Variants in SERINC3 observed in about 807,000 individuals in gnomAD.
SERINC3 encodes serine incorporator 3, also known as tumor differentially expressed protein 1.
A neutral mutation model predicts 52.1 loss-of-function variants in SERINC3; 22 were observed. That is an observed-to-expected ratio of 0.42 (90% confidence interval 0.30 to 0.60). The LOEUF (loss-of-function observed/expected upper bound fraction) is 0.60, where lower values mean the gene tolerates loss of function less well. SERINC3 is among the 20% of genes least tolerant of loss of function. SERINC3 has a pLI of 0.16. For missense variants in SERINC3, 564 were observed against 584.6 expected (o/e 0.96, Z 0.36); for synonymous variants, 226 against 212.7 (o/e 1.06, Z -0.54).
At chr20:44,504,133 A>C in intron 7 of SERINC3, 138 bp from the exon 8 acceptor site, 1 of 595,768 alleles carries the variant, frequency 1.7e-6, no homozygotes, top group Non-Finnish European at 2.8e-6. Context: ...GAAACTTAGC[A>C]GTCAGTAGTA....
intron 4 of SERINC3, among the ~76,000 whole-genome samples, chr20:44,510,391 C>T (rs1600814550): frequency 6.6e-6 from 1 of 152,204 alleles, no homozygotes; most frequent in East Asian, 1.9e-4. Flanking sequence ...TTTTGACAGG[C>T]TCTCTGATTA....
Position 44,506,900 on chromosome 20 carries a change from T to C in SERINC3, c.710A>G (p.Asn237Ser). The C allele has an allele frequency of 6.2e-7, 1 of 1,613,778 alleles. No homozygotes were observed. The highest frequency in any genetic ancestry group is 8.5e-7 in the Non-Finnish European group (1 of 1,179,856). The part of the protein sequence containing the change: ...YYTKPDGCTE[N>S]KFFISINLIL... ...CAGGTTAATACTGATGAAGAACTTG[T>C]TTTCTGTGCAGCCATCTGGTTTGGT... is the stretch of plus-strand genomic sequence containing the variant. The change falls in exon 6 of 10, where the codon AAC becomes AGC. Residue 237 changes from asparagine to serine, a missense_variant. Transcript: ENST00000342374.
Position 44,506,887 on chromosome 20 carries a change from G to A in SERINC3, c.723C>T (p.Ile241=). The change falls in exon 6 of 10, where the codon ATC becomes ATT. Residue 241 remains isoleucine, a synonymous_variant. Transcript: ENST00000342374. The part of the protein sequence containing the change: ...PDGCTENKFF[I]SINLILCVVA... The stretch of plus-strand genomic sequence containing the variant: ...CAACGCAAAGGATCAGGTTAATACT[G>A]ATGAAGAACTTGTTTTCTGTGCAGC... The A allele has an allele frequency of 1.9e-6, 3 of 1,613,620 alleles. No homozygotes were observed. In the South Asian group the frequency reaches 3.3e-5, roughly 18 times the overall value.
intron 6 of SERINC3, among the ~76,000 whole-genome samples, chr20:44,505,215 C>T (rs1175166954): frequency 6.6e-6 from 1 of 152,130 alleles, no homozygotes; most frequent in African/African-American, 2.4e-5. Context: ...CTGGGAGAGG[C>T]CTATCACTTC....
chr20:44,512,034 T>C (rs927315980), intron 3 of SERINC3, among the ~76,000 whole-genome samples: 1 of 152,164 alleles, frequency 6.6e-6, no homozygotes, highest in African/African-American at 2.4e-5. Context: ...GAAATACGGC[T>C]GGGCACAGTG....
rs1405690873 is a variant in SERINC3 at position 44,506,848 on chromosome 20, T to TA, written c.761dup (p.Ser255IlefsTer36). On this transcript the variant is annotated frameshift_variant, in exon 6 of 10. Coordinates refer to ENST00000342374, the MANE Select transcript of SERINC3 (RefSeq NM_006811.4). LOFTEE classifies it high-confidence loss of function. ...ATACCTGAATTTTTGGGTGGATCGA[T>TA]ATAATAGAAGCCACAACGCAAAGGA... is the stretch of plus-strand genomic sequence containing the variant. 12 of 1,589,304 alleles carry TA rather than the reference T, an allele frequency of 7.6e-6. No individual in the cohort carries two copies.
rs768185547 is a variant in SERINC3 at position 44,500,385 on chromosome 20, C to A, written c.1333G>T (p.Val445Phe). ...CAGACCCAGCTGGAGCTGATCTTGACCCACACAGCTGGCCACTTGCTGGTC... is the reference window on the plus strand; with the variant it reads ...CAGACCCAGCTGGAGCTGATCTTGAACCACACAGCTGGCCACTTGCTGGTC... The part of the protein sequence containing the change: ...SMTSKWPAVW[V>F]KISSSWVCLL... The change falls in exon 10 of 10, where the codon GTC becomes TTC. Residue 445 changes from valine to phenylalanine, a missense_variant. By Grantham distance (50) the Val-to-Phe change is conservative. Transcript: ENST00000342374. 1 of 1,595,012 alleles carries A rather than the reference C, an allele frequency of 6.3e-7. No homozygotes were observed. The highest frequency in any genetic ancestry group is 8.5e-7 in the Non-Finnish European group (1 of 1,170,536).
At chr20:44,503,051 T>C (rs73615465) in intron 8 of SERINC3, among the ~76,000 whole-genome samples, 1,844 of 152,326 alleles carry the variant, frequency 0.012, 16 homozygotes, top group East Asian at 0.063. Flanking sequence ...ATTTGTATAC[T>C]AATAACTAAC....
In SERINC3 at chr20:44,497,617, G is replaced by A. The variant is rs1427824333; in HGVS notation, c.*2679C>T. ...TACTGTAAAGAAAAGCAGGGTATCT[G>A]CTTCACACTGGCAAAATAAGGGGCT... On this transcript the variant is annotated 3_prime_UTR_variant, in exon 10 of 10. Coordinates refer to ENST00000342374, the MANE Select transcript of SERINC3 (RefSeq NM_006811.4). The A allele has an allele frequency of 6.6e-6, 1 of 152,318 alleles. No homozygotes were observed. The highest frequency in any genetic ancestry group is 6.5e-5 in the Admixed American group (1 of 15,268). The allele number at this position is 152,318 out of a possible 1,614,324, so 9.4% of individuals were successfully genotyped here.
chr20:44,503,820 AT>A lies in SERINC3; in HGVS notation c.1049del (p.Tyr350PhefsTer12). On this transcript the variant is annotated frameshift_variant, in exon 8 of 10. Coordinates refer to ENST00000342374, the MANE Select transcript of SERINC3 (RefSeq NM_006811.4). LOFTEE classifies it high-confidence loss of function. ...GLFVFVLCLL[Y>X]SSIRTSTNSQ... ...CTAAGTACCTTTTAACTTACCTAGAATACAAGAGGCAGAGAACAAAGACAAA... is the reference window on the plus strand; with the variant it reads ...CTAAGTACCTTTTAACTTACCTAGAAACAAGAGGCAGAGAACAAAGACAAA... 1.3e-6 allele frequency: 2 copies of A among 1,547,426 alleles called. No homozygotes were observed. The highest frequency in any genetic ancestry group is 1.7e-6 in the Non-Finnish European group (2 of 1,156,124).
chr20:44,518,825 G>A (rs1477598482), intron 1 of SERINC3, among the ~76,000 whole-genome samples: 2 of 152,040 alleles, frequency 1.3e-5, no homozygotes, highest in African/African-American at 2.4e-5. Context: ...TTAGCCAGGC[G>A]TGGTGGCACA....
At chr20:44,510,166 A>C in intron 4 of SERINC3, 138 bp from the exon 5 acceptor site, 1 of 764,690 alleles carries the variant, frequency 1.3e-6, no homozygotes, top group Non-Finnish European at 2.1e-6. Context: ...GCAAGATTCC[A>C]AACTCAACGG....
In SERINC3 at chr20:44,497,505, T is replaced by C. The variant is rs545024736; in HGVS notation, c.*2791A>G. On this transcript the variant is annotated 3_prime_UTR_variant, in exon 10 of 10. Transcript: ENST00000342374. ...ATTTATTTTACAGTTTAGTATTGTT[T>C]GTATTTTGAATTACATTAAGGCGGA... 2 of 152,372 alleles carry C rather than the reference T, an allele frequency of 1.3e-5. No homozygotes were observed. The highest frequency in any genetic ancestry group is 4.1e-4 in the South Asian group (2 of 4,832). The allele number at this position is 152,372 out of a possible 1,614,324, so 9.4% of individuals were successfully genotyped here. A position where few individuals can be genotyped will look rare whatever the true frequency, so the allele number is the denominator to read the frequency against.
In SERINC3 at chr20:44,498,643, C is replaced by G. The variant is rs2064262047; in HGVS notation, c.*1653G>C. 6.6e-6 allele frequency: 1 copy of G among 152,146 alleles called. No individual in the cohort carries two copies. Among genetic ancestry groups the G allele is most frequent in the Non-Finnish European group, 1.5e-5 (1 of 68,044 alleles). The allele number at this position is 152,146 out of a possible 1,614,324, so 9.4% of individuals were successfully genotyped here. A position where few individuals can be genotyped will look rare whatever the true frequency, so the allele number is the denominator to read the frequency against. ...AAGTAGCCCTCACCTGTCAATTTCTCCCCGTCCCTACGATTCCACTTCTCT... is the reference window on the plus strand; with the variant it reads ...AAGTAGCCCTCACCTGTCAATTTCTGCCCGTCCCTACGATTCCACTTCTCT... On this transcript the variant is annotated 3_prime_UTR_variant, in exon 10 of 10. Coordinates refer to ENST00000342374, the MANE Select transcript of SERINC3 (RefSeq NM_006811.4).
chr20:44,520,654 C>G (rs2064410694), intron 1 of SERINC3, among the ~76,000 whole-genome samples: 1 of 152,180 alleles, frequency 6.6e-6, no homozygotes, highest in African/African-American at 2.4e-5. Flanking sequence ...CTGTTGGATA[C>G]TGTGTTCACT....
chr20:44,515,556 T>C (rs937278768), intron 1 of SERINC3, among the ~76,000 whole-genome samples: 4 of 152,144 alleles, frequency 2.6e-5, no homozygotes, highest in Non-Finnish European at 4.4e-5. Flanking sequence ...ATGGGAGTGA[T>C]GGTTTAATGG....
chr20:44,514,180 A>C, intron 1 of SERINC3, 140 bp from the exon 2 acceptor site: 1 of 869,724 alleles, frequency 1.1e-6, no homozygotes, highest in South Asian at 2.0e-5. Context: ...AAGTGGTTAA[A>C]AGTACGGGCT....
At chr20:44,514,822 T>C (rs1257755761) in intron 1 of SERINC3, among the ~76,000 whole-genome samples, 3 of 151,986 alleles carry the variant, frequency 2.0e-5, no homozygotes, top group African/African-American at 2.4e-5. Flanking sequence ...TGACAAATAA[T>C]AACAGCAAGG....
rs1318769046 is a variant in SERINC3, at chr20:44,503,879, AC to A, written c.990del (p.Ser331LeufsTer31). 1 of 1,600,660 alleles carries A rather than the reference AC, an allele frequency of 6.2e-7. No homozygotes were observed. Among genetic ancestry groups the A allele is most frequent in the Non-Finnish European group, 8.5e-7 (1 of 1,175,402 alleles). ...VPTPTPPSKS[G>X]SLLDSDNFIG... ...ATAAAATTATCTGAATCCAGTAAAG[AC>A]CCACTCTTTGATGGTGGAGTAGGGG... On this transcript the variant is annotated frameshift_variant, in exon 8 of 10. Transcript: ENST00000342374. LOFTEE classifies it high-confidence loss of function.
Sources: gnomAD v4.1 joint callset for allele counts (sites outside exome capture counted in the v4.1 genomes callset) on GRCh38, gnomAD v4.1.1 for gene constraint, MANE v1.5 for transcripts, NCBI Gene and HGNC (gene_info 2026-07-23, HGNC 2026-07-21) for gene names.